The following PPP3CA variants were observed in gnomAD, a reference collection of about 807,000 sequenced individuals.
The protein encoded by PPP3CA is CAM-PRP catalytic subunit.
PPP3CA carries 14 observed loss-of-function variants against 66.5 expected under a neutral mutation model. The observed-to-expected ratio is 0.21, with a 90% CI of 0.14 to 0.33. The LOEUF is 0.33. Ranked by LOEUF, PPP3CA falls within the 10% of genes least tolerant of loss-of-function variation. The pLI, the probability that PPP3CA is intolerant of heterozygous loss-of-function variation, is 1.00. For synonymous variants in PPP3CA, 232 were observed against 226.2 expected, an observed-to-expected ratio of 1.03 and a Z score of -0.23; for missense variants, 317 against 639.5, an observed-to-expected ratio of 0.50 and a Z score of 5.44.
chr4:101,153,155 T>C (rs898187913), intron 2 of PPP3CA, among the ~76,000 whole-genome samples: 16 of 152,138 alleles, frequency 1.1e-4, no homozygotes, highest in African/African-American at 3.9e-4. Flanking sequence ...TTGGATTCTA[T>C]CCAAAGGGCA....
chr4:101,235,054 G>C (rs1425876380), intron 1 of PPP3CA, among the ~76,000 whole-genome samples: 1 of 151,602 alleles, frequency 6.6e-6, no homozygotes, highest in African/African-American at 2.4e-5. Context: ...AATCAGATAG[G>C]TATCTTTTTA....
intron 10 of PPP3CA, among the ~76,000 whole-genome samples, chr4:101,043,786 A>G (rs1486775429): frequency 6.6e-6 from 1 of 152,124 alleles, no homozygotes; most frequent in African/African-American, 2.4e-5. Flanking sequence ...AAGGCAGGAG[A>G]ATCGGTTGAA....
chr4:101,216,182 G>T (rs959986261), intron 1 of PPP3CA, among the ~76,000 whole-genome samples: 6 of 152,016 alleles, frequency 3.9e-5, no homozygotes, highest in Admixed American at 3.9e-4. Flanking sequence ...AATAAATTAC[G>T]CAGCATTATA....
At chr4:101,228,899 C>T (rs1341520313) in intron 1 of PPP3CA, among the ~76,000 whole-genome samples, 3 of 151,574 alleles carry the variant, frequency 2.0e-5, no homozygotes, top group Admixed American at 6.6e-5. Flanking sequence ...TGGTGCTGTC[C>T]CAGTAGATAC....
chr4:101,206,889 C>A (rs906741798), intron 1 of PPP3CA, among the ~76,000 whole-genome samples: 8 of 152,062 alleles, frequency 5.3e-5, no homozygotes, highest in African/African-American at 1.7e-4. Flanking sequence ...AACACTGAAA[C>A]CTTCAGTTAG....
intron 2 of PPP3CA, among the ~76,000 whole-genome samples, chr4:101,118,567 G>T (rs1010341787): frequency 1.3e-5 from 2 of 151,754 alleles, no homozygotes; most frequent in Admixed American, 1.3e-4. Context: ...TTAGTTTCTG[G>T]TTTTTATGTG....
chr4:101,302,482 A>T (rs1728409751), intron 1 of PPP3CA, among the ~76,000 whole-genome samples: 1 of 152,248 alleles, frequency 6.6e-6, no homozygotes, highest in African/African-American at 2.4e-5. Context: ...ATTCAATAAT[A>T]AGACAATTAA....
At chr4:101,196,822 C>G (rs1242588757) in intron 1 of PPP3CA, among the ~76,000 whole-genome samples, 2 of 152,190 alleles carry the variant, frequency 1.3e-5, no homozygotes. Flanking sequence ...ATTCTCTCTT[C>G]CACTCACCCG....
chr4:101,249,453 T>C (rs1316119766), intron 1 of PPP3CA, among the ~76,000 whole-genome samples: 1 of 152,166 alleles, frequency 6.6e-6, no homozygotes, highest in African/African-American at 2.4e-5. Context: ...CTAGAAATTT[T>C]CACCCATTGC....
intron 2 of PPP3CA, among the ~76,000 whole-genome samples, chr4:101,149,759 T>C (rs1029815225): frequency 6.6e-6 from 1 of 152,136 alleles, no homozygotes; most frequent in Admixed American, 6.5e-5. Context: ...CAGACAAAGG[T>C]AGTATCAATA....
At chr4:101,308,989 T>G (rs1185108699) in intron 1 of PPP3CA, among the ~76,000 whole-genome samples, 1 of 152,128 alleles carries the variant, frequency 6.6e-6, no homozygotes, top group Non-Finnish European at 1.5e-5. Flanking sequence ...TAGCCTGGCA[T>G]GGTGGTGTGC....
intron 1 of PPP3CA, among the ~76,000 whole-genome samples, chr4:101,233,268 T>C (rs1048111190): frequency 1.3e-4 from 20 of 151,740 alleles, no homozygotes; most frequent in African/African-American, 4.8e-4. Context: ...ACTTTACACT[T>C]TACCTGGGAC....
intron 1 of PPP3CA, among the ~76,000 whole-genome samples, chr4:101,222,286 G>C (rs1043223148): frequency 1.3e-5 from 2 of 151,522 alleles, no homozygotes; most frequent in Non-Finnish European, 3.0e-5. Flanking sequence ...ATATATATGT[G>C]AGAACCACAT....
At chr4:101,274,961 T>C (rs1358865450) in intron 1 of PPP3CA, among the ~76,000 whole-genome samples, 1 of 152,172 alleles carries the variant, frequency 6.6e-6, no homozygotes. Flanking sequence ...TAAGCAATAA[T>C]TGACATCTTT....
At chr4:101,246,036 T>C (rs1560678310) in intron 1 of PPP3CA, among the ~76,000 whole-genome samples, 1 of 152,118 alleles carries the variant, frequency 6.6e-6, no homozygotes. Context: ...ATTCTACTAG[T>C]CTTCACAAGT....
At chr4:101,298,308 C>T (rs1489910153) in intron 1 of PPP3CA, among the ~76,000 whole-genome samples, 1 of 150,666 alleles carries the variant, frequency 6.6e-6, no homozygotes. Context: ...TGTAAAGACA[C>T]CTAACTAACA....
intron 11 of PPP3CA, 52 bp from the exon 12 acceptor site, chr4:101,032,416 A>C: frequency 2.7e-6 from 4 of 1,478,224 alleles, no homozygotes; most frequent in Non-Finnish European, 3.7e-6. Flanking sequence ...TTTGTGAAAA[A>C]GAAAGAAATG....
intron 2 of PPP3CA, among the ~76,000 whole-genome samples, chr4:101,194,269 T>C (rs1384186189): frequency 6.6e-6 from 1 of 152,236 alleles, no homozygotes; most frequent in Admixed American, 6.5e-5. Flanking sequence ...ATTCAAGATA[T>C]TTTGATAAAG....
intron 1 of PPP3CA, among the ~76,000 whole-genome samples, chr4:101,279,823 C>T (rs373317484): frequency 1.3e-5 from 2 of 152,300 alleles, no homozygotes; most frequent in African/African-American, 4.8e-5. Context: ...CTAGAATGAG[C>T]AATTTGCTCA....
Sources: allele counts gnomAD v4.1 joint callset (sites outside exome capture counted in the v4.1 genomes callset), GRCh38; gene constraint gnomAD v4.1.1; transcripts MANE v1.5; gene names NCBI Gene and HGNC (gene_info 2026-07-23, HGNC 2026-07-21).